Variants in NR1H4 observed in about 807,000 individuals in gnomAD.
NR1H4 encodes bile acid receptor.
NR1H4 carries 23 observed loss-of-function variants against 58.5 expected under a neutral mutation model. The ratio of observed to expected loss-of-function variants is 0.39; its 90% CI spans 0.28 to 0.56. NR1H4 has a LOEUF of 0.56. Among genes scored for constraint, NR1H4 ranks in the 20% least tolerant of loss-of-function variants. The probability of loss-of-function intolerance (pLI) is 0.58; values close to 1 mark genes in which losing one functional copy is unlikely to be tolerated. For synonymous variants in NR1H4, 214 were observed against 198.0 expected (o/e 1.08, Z -0.68); for missense variants, 487 against 576.9 (o/e 0.84, Z 1.60).
At chr12:100,533,099 T>G (rs1954734549) in intron 5 of NR1H4, among the ~76,000 whole-genome samples, 1 of 152,214 alleles carries the variant, frequency 6.6e-6, no homozygotes, top group Non-Finnish European at 1.5e-5. Flanking sequence ...TTTGAACCAA[T>G]TTGTATAGGT....
chr12:100,562,072 AT>A lies in NR1H4; in HGVS notation c.1192+75del. On this transcript the variant is annotated intron_variant, in intron 10 of 10. Transcript: ENST00000392986. The stretch of plus-strand genomic sequence containing the variant: ...CTAGTAATAACGTTTATTGAAAAAA[AT>A]CTGGAAAACATAGAAATATAAAGAA... The A allele has an allele frequency of 2.0e-5, 15 of 768,974 alleles. 1 individual carries two copies. The South Asian group carries it at 2.1e-4, about 11-fold the overall frequency. 47.6% of individuals were successfully genotyped at this position (768,974 alleles called of 1,614,324 possible). A position where few individuals can be genotyped will look rare whatever the true frequency, so the allele number is the denominator to read the frequency against.
intron 4 of NR1H4, among the ~76,000 whole-genome samples, chr12:100,519,436 G>A (rs1305888013): frequency 6.6e-6 from 1 of 152,034 alleles, no homozygotes; most frequent in African/African-American, 2.4e-5. Context: ...GAGTGCTGTT[G>A]TATTTGGTCT....
At chr12:100,489,202 A>G (rs1030070091) in intron 1 of NR1H4, among the ~76,000 whole-genome samples, 1 of 152,238 alleles carries the variant, frequency 6.6e-6, no homozygotes, top group African/African-American at 2.4e-5. Flanking sequence ...TATGAGATGT[A>G]TTTAATTAAG....
intron 9 of NR1H4, among the ~76,000 whole-genome samples, chr12:100,544,029 G>C (rs1177961376): frequency 6.6e-6 from 1 of 152,066 alleles, no homozygotes; most frequent in Non-Finnish European, 1.5e-5. Flanking sequence ...AAGGCGGGTG[G>C]ATTACAAGGT....
chr12:100,481,118 G>T (rs1048408975), intron 1 of NR1H4, among the ~76,000 whole-genome samples: 2 of 152,246 alleles, frequency 1.3e-5, no homozygotes, highest in Non-Finnish European at 2.9e-5. Flanking sequence ...AGGTCCAAGG[G>T]CTAGCGAAAC....
rs1295772067 is a variant in NR1H4 at position 100,540,816 on chromosome 12, GT to G, written c.1077del (p.Ser359ArgfsTer8). 6.2e-7 allele frequency: 1 copy of G among 1,613,984 alleles called. No individual in the cohort carries two copies. The highest frequency in any genetic ancestry group is 1.3e-5 in the African/African-American group (1 of 74,934). ...SDLLEERIRN[S>X]GISDEYITPM... ...CTATTGGAAGAAAGAATTCGAAATAGTGGTAAGTGATTTGGCTAATGGTAAA... is the reference window on the plus strand; with the variant it reads ...CTATTGGAAGAAAGAATTCGAAATAGGGTAAGTGATTTGGCTAATGGTAAA... On this transcript the variant is annotated frameshift_variant and splice_region_variant, in exon 9 of 11. Transcript: ENST00000392986. LOFTEE classifies it high-confidence loss of function.
At chr12:100,535,097 G>A (rs958727362) in intron 6 of NR1H4, 74 bp downstream of exon 6, 6 of 1,577,282 alleles carry the variant, frequency 3.8e-6, no homozygotes, top group Non-Finnish European at 5.2e-6. Context: ...CTGGCCAGGA[G>A]GCTTTCAAAT....
chr12:100,546,003 A>G (rs1261416232), intron 9 of NR1H4, among the ~76,000 whole-genome samples: 1 of 152,090 alleles, frequency 6.6e-6, no homozygotes. Flanking sequence ...CAGCTAGGCC[A>G]TTGGAGAGGG....
At chr12:100,548,028 C>CT (rs1477088534) in intron 9 of NR1H4, among the ~76,000 whole-genome samples, 1 of 150,242 alleles carries the variant, frequency 6.7e-6, no homozygotes, top group African/African-American at 2.4e-5. Context: ...CCCTGTTCCT[C>CT]TTTTTATTAT....
At chr12:100,505,223 A>C (rs1368545643) in intron 3 of NR1H4, among the ~76,000 whole-genome samples, 1 of 152,224 alleles carries the variant, frequency 6.6e-6, no homozygotes, top group Admixed American at 6.5e-5. Flanking sequence ...TCTTAGGAGC[A>C]TCAGAAACTC....
chr12:100,510,142 T>C (rs756189654), intron 3 of NR1H4, among the ~76,000 whole-genome samples: 129 of 152,260 alleles, frequency 8.5e-4, no homozygotes, highest in Non-Finnish European at 1.6e-3. Flanking sequence ...TTCCAATTTA[T>C]GGCTCTTGCG....
chr12:100,532,576 A>T lies in NR1H4; in HGVS notation c.564A>T (p.Lys188Asn). 6.2e-7 allele frequency: 1 copy of T among 1,614,168 alleles called. No homozygotes were observed. The highest frequency in any genetic ancestry group is 8.5e-7 in the Non-Finnish European group (1 of 1,180,008). ...AAGAGTGTCGACTAAGGAAATGCAA[A>T]GAGATGGGAATGTTGGCTGAATGTA... is the stretch of plus-strand genomic sequence containing the variant. ...KCQECRLRKC[K>N]EMGMLAECMY... Residue 188 changes from lysine to asparagine, a missense_variant, in exon 5 of 11, where the codon AAA becomes AAT. Transcript: ENST00000392986.
chr12:100,482,492 G>T (rs1953402841), intron 1 of NR1H4, among the ~76,000 whole-genome samples: 1 of 152,130 alleles, frequency 6.6e-6, no homozygotes, highest in Non-Finnish European at 1.5e-5. Flanking sequence ...CAATTAACAA[G>T]AATTTATTGT....
At chr12:100,498,056 C>T (rs191152384) in intron 3 of NR1H4, among the ~76,000 whole-genome samples, 2 of 152,270 alleles carry the variant, frequency 1.3e-5, no homozygotes, top group East Asian at 3.9e-4. Flanking sequence ...AATGAAATCT[C>T]AGAGGCAAGT....
At chr12:100,475,766 C>T (rs1047590350) in intron 1 of NR1H4, among the ~76,000 whole-genome samples, 1 of 152,074 alleles carries the variant, frequency 6.6e-6, no homozygotes, top group African/African-American at 2.4e-5. Flanking sequence ...GACAAAGTCT[C>T]GCTCTGTCTC....
Position 100,563,894 on chromosome 12 carries a change from A to G in NR1H4, c.*405A>G, listed in dbSNP as rs188467975. On this transcript the variant is annotated 3_prime_UTR_variant, in exon 11 of 11. Transcript: ENST00000392986. ...TTTCTTTGGGAACAAAATTTGATAA[A>G]TATACAAACTCATTTCTTTAAATGT... 5.0e-4 allele frequency: 91 copies of G among 180,270 alleles called. 2 individuals are homozygous for G. Among genetic ancestry groups the G allele is most frequent in the Non-Finnish European group, 2.9e-4 (25 of 84,946 alleles). The allele number at this position is 180,270 out of a possible 1,614,324, so 11.2% of individuals were successfully genotyped here. A position where few individuals can be genotyped will look rare whatever the true frequency, so the allele number is the denominator to read the frequency against.
At chr12:100,483,071 G>A (rs1212506526) in intron 1 of NR1H4, among the ~76,000 whole-genome samples, 6 of 152,002 alleles carry the variant, frequency 3.9e-5, no homozygotes, top group South Asian at 2.1e-4. Context: ...GACTACAGGC[G>A]TGTGCCACCG....
At position 100,559,268 on chromosome 12, in the gene NR1H4, C is replaced by T. The variant is rs375989300; in HGVS notation, c.1079-2617C>T. ...TCTCGGCACCTCCTCTGCCTGGGCT[C>T]CCACTTTGGCAGCACTTGAGGAGCC... On this transcript the variant is annotated intron_variant, in intron 9 of 10. Transcript: ENST00000392986. 2.4e-4 allele frequency among the ~76,000 whole-genome samples: 36 copies of T among 152,346 alleles called. No individual in the cohort carries two copies. The South Asian group carries it at 2.5e-3, about 11-fold the overall frequency.
chr12:100,558,745 G>A (rs896844520), intron 9 of NR1H4, among the ~76,000 whole-genome samples: 7 of 152,210 alleles, frequency 4.6e-5, no homozygotes, highest in African/African-American at 1.4e-4. Context: ...ACAAAAACTG[G>A]GCAATGTGAA....
Sources: gnomAD v4.1 joint callset for allele counts (sites outside exome capture counted in the v4.1 genomes callset) on GRCh38, gnomAD v4.1.1 for gene constraint, MANE v1.5 for transcripts, NCBI Gene and HGNC (gene_info 2026-07-23, HGNC 2026-07-21) for gene names.